Variants in DYNC1I1 observed in about 807,000 individuals in gnomAD.
DYNC1I1 encodes the protein cytoplasmic dynein 1 intermediate chain 1.
A neutral mutation model predicts 86.6 loss-of-function variants in DYNC1I1; 43 were observed. The ratio of observed to expected loss-of-function variants is 0.50; its 90% CI spans 0.39 to 0.64. The LOEUF is 0.64. DYNC1I1 is among the 30% of genes least tolerant of loss of function. The pLI, the probability that DYNC1I1 is intolerant of heterozygous loss-of-function variation, is 0.00. For missense variants in DYNC1I1, 604 were observed against 788.8 expected, an observed-to-expected ratio of 0.77 and a Z score of 2.81; for synonymous variants, 262 against 283.7, an observed-to-expected ratio of 0.92 and a Z score of 0.77.
At chr7:95,967,334 G>A (rs1464837667) in intron 6 of DYNC1I1, among the ~76,000 whole-genome samples, 1 of 152,178 alleles carries the variant, frequency 6.6e-6, no homozygotes, top group Non-Finnish European at 1.5e-5. Flanking sequence ...GGTAGAGCAG[G>A]AACAATTTGG....
chr7:95,891,414 G>T (rs1222501348), intron 6 of DYNC1I1, among the ~76,000 whole-genome samples: 2 of 152,180 alleles, frequency 1.3e-5, no homozygotes, highest in African/African-American at 2.4e-5. Context: ...AGTAAGAGAA[G>T]CAAACAGAGT....
At chr7:95,829,945 A>G (rs1795285396) in intron 5 of DYNC1I1, among the ~76,000 whole-genome samples, 1 of 152,140 alleles carries the variant, frequency 6.6e-6, no homozygotes. Context: ...CTGTAGGTAT[A>G]AAAGGAGGTT....
intron 6 of DYNC1I1, among the ~76,000 whole-genome samples, chr7:95,905,066 G>T (rs1187558825): frequency 6.6e-6 from 1 of 152,156 alleles, no homozygotes; most frequent in African/African-American, 2.4e-5. Context: ...TCTAGTTTAA[G>T]CAAGTGGGTC....
intron 10 of DYNC1I1, among the ~76,000 whole-genome samples, chr7:96,005,498 G>C (rs1794119031): frequency 6.6e-6 from 1 of 152,108 alleles, no homozygotes; most frequent in Non-Finnish European, 1.5e-5. Flanking sequence ...ACGTATAGTA[G>C]TTCCCCCAGG....
At chr7:95,971,356 T>A (rs1793165136) in intron 6 of DYNC1I1, among the ~76,000 whole-genome samples, 1 of 152,166 alleles carries the variant, frequency 6.6e-6, no homozygotes, top group African/African-American at 2.4e-5. Context: ...TAATAGAACT[T>A]GAAGGGGTTA....
chr7:95,929,897 T>G (rs1791845581), intron 6 of DYNC1I1, among the ~76,000 whole-genome samples: 1 of 152,252 alleles, frequency 6.6e-6, no homozygotes, highest in Non-Finnish European at 1.5e-5. Context: ...CATTATTTAT[T>G]TATCCATTCT....
intron 10 of DYNC1I1, among the ~76,000 whole-genome samples, chr7:96,023,436 G>A (rs1020297226): frequency 3.9e-5 from 6 of 152,150 alleles, no homozygotes; most frequent in African/African-American, 1.2e-4. Context: ...ATGACCAAAG[G>A]TTGTTCACCC....
At chr7:96,020,492 T>C (rs1010668185) in intron 10 of DYNC1I1, among the ~76,000 whole-genome samples, 2 of 152,158 alleles carry the variant, frequency 1.3e-5, no homozygotes, top group African/African-American at 4.8e-5. Flanking sequence ...GCCCCCATGA[T>C]CCAGTTACCT....
chr7:95,889,624 A>G lies in DYNC1I1; in HGVS notation c.490+19626A>G, dbSNP rs527709185. ...TTAAACTTAAGAGTTTCTGCACAGC[A>G]AAAGAAACCATCCACAGAGTAAACA... On this transcript the variant is annotated intron_variant, in intron 6 of 16. Transcript: ENST00000447467. Among the ~76,000 whole-genome samples, 4 of 152,342 alleles carry G rather than the reference A, an allele frequency of 2.6e-5. No individual in the cohort carries two copies. The South Asian group carries it at 8.3e-4, about 32-fold the overall frequency.
intron 14 of DYNC1I1, among the ~76,000 whole-genome samples, chr7:96,046,769 T>G (rs1226986079): frequency 6.6e-6 from 1 of 152,104 alleles, no homozygotes; most frequent in Non-Finnish European, 1.5e-5. Context: ...GGGGAGTCAG[T>G]GATGATTCTG....
At chr7:96,073,727 C>T (rs747232801) in intron 14 of DYNC1I1, among the ~76,000 whole-genome samples, 32 of 152,082 alleles carry the variant, frequency 2.1e-4, no homozygotes, top group African/African-American at 6.8e-4. Flanking sequence ...ATTTGTTATT[C>T]GTGTTCTTTA....
chr7:96,075,674 A>C (rs931478380), intron 14 of DYNC1I1, among the ~76,000 whole-genome samples: 10 of 152,194 alleles, frequency 6.6e-5, no homozygotes, highest in African/African-American at 2.2e-4. Context: ...GCTTCAGAAC[A>C]TCCCCGCGGG....
At chr7:95,923,258 C>T (rs1791657403) in intron 6 of DYNC1I1, among the ~76,000 whole-genome samples, 1 of 151,932 alleles carries the variant, frequency 6.6e-6, no homozygotes, top group South Asian at 2.1e-4. Context: ...ATTTATTTGA[C>T]CAGGATAAGG....
At chr7:96,057,918 A>G (rs1032289722) in intron 14 of DYNC1I1, among the ~76,000 whole-genome samples, 1 of 152,276 alleles carries the variant, frequency 6.6e-6, no homozygotes, top group African/African-American at 2.4e-5. Flanking sequence ...CCTCATTTGG[A>G]CACCCTAGTG....
chr7:95,944,660 G>A (rs1347628191), intron 6 of DYNC1I1, among the ~76,000 whole-genome samples: 2 of 152,124 alleles, frequency 1.3e-5, no homozygotes, highest in Non-Finnish European at 2.9e-5. Flanking sequence ...TTAAGAAAAT[G>A]TGGTACATAT....
rs149833082 is a variant in DYNC1I1 at position 95,849,841 on chromosome 7, A to C, written c.375-20042A>C. 1.5e-3 allele frequency among the ~76,000 whole-genome samples: 222 copies of C among 152,270 alleles called. 2 individuals are homozygous for C. The highest frequency in any genetic ancestry group is 5.1e-3 in the African/African-American group (213 of 41,576). On this transcript the variant is annotated intron_variant, in intron 5 of 16. Transcript: ENST00000447467. ...GCATTTTGACAATATTAATTCTTCCAATCCATAAGCATGGAATATCTATCA... is the reference window on the plus strand; with the variant it reads ...GCATTTTGACAATATTAATTCTTCCCATCCATAAGCATGGAATATCTATCA...
At chr7:95,878,322 A>G (rs984878772) in intron 6 of DYNC1I1, among the ~76,000 whole-genome samples, 10 of 152,174 alleles carry the variant, frequency 6.6e-5, no homozygotes, top group Admixed American at 2.6e-4. Flanking sequence ...TAATGAAGTA[A>G]ATGAAAGTAT....
intron 6 of DYNC1I1, among the ~76,000 whole-genome samples, chr7:95,931,194 G>A (rs1791885780): frequency 6.6e-6 from 1 of 151,372 alleles, no homozygotes; most frequent in Admixed American, 6.6e-5. Flanking sequence ...AGCCCAGGCT[G>A]GAGTGCAGTG....
At chr7:96,011,939 A>G (rs1293172962) in intron 10 of DYNC1I1, among the ~76,000 whole-genome samples, 1 of 152,214 alleles carries the variant, frequency 6.6e-6, no homozygotes, top group Non-Finnish European at 1.5e-5. Flanking sequence ...AGTTTTCCCA[A>G]GTGACACATA....
Sources: allele counts gnomAD v4.1 joint callset (sites outside exome capture counted in the v4.1 genomes callset), GRCh38; gene constraint gnomAD v4.1.1; transcripts MANE v1.5; gene names NCBI Gene and HGNC (gene_info 2026-07-23, HGNC 2026-07-21).